Variants in OTOR observed in about 807,000 individuals in gnomAD.
OTOR encodes fibrocyte-derived protein.
OTOR carries 20 observed loss-of-function variants against 15.9 expected under a neutral mutation model. The observed-to-expected ratio is 1.26, with a 90% CI of 0.89 to 1.83. OTOR has a LOEUF of 1.83. OTOR is among the 40% of genes most tolerant of loss of function. OTOR has a pLI of 0.00. For missense variants in OTOR, 184 were observed against 159.0 expected, an observed-to-expected ratio of 1.16 and a Z score of -0.85; for synonymous variants, 53 against 54.2, an observed-to-expected ratio of 0.98 and a Z score of 0.09.
rs1250082744 is a variant in OTOR at position 16,749,908 on chromosome 20, T to C, written c.261T>C (p.Tyr87=). 31 of 1,611,026 alleles carry C rather than the reference T, an allele frequency of 1.9e-5. No homozygotes were observed. The highest frequency in any genetic ancestry group is 2.5e-5 in the Non-Finnish European group (30 of 1,177,320). The change falls in exon 3 of 4, where the codon TAT becomes TAC. Residue 87 remains tyrosine (Y), a synonymous_variant. Transcript: ENST00000246081. The stretch of plus-strand genomic sequence containing the variant: ...CTATTCTTCTGGGCACTTAGGTTTA[T>C]GGTGATGGCCAGGACGAGATGGGAG... ...GAGEFWAGSV[Y]GDGQDEMGVV... is the part of the protein sequence containing the mutation.
rs772201630 is a variant in OTOR, at chr20:16,749,024, C to G, written c.255+18C>G. On this transcript the variant is annotated intron_variant, in intron 2 of 3. Coordinates refer to ENST00000246081, the MANE Select transcript of OTOR (RefSeq NM_020157.4). Reference sequence around the variant, plus strand: ...CTGGCAGTGTAAGATAATTTAAACACCTATTGACGAATATTGCTCTTAACC... The same window carrying G: ...CTGGCAGTGTAAGATAATTTAAACAGCTATTGACGAATATTGCTCTTAACC... 6.7e-7 allele frequency: 1 copy of G among 1,499,830 alleles called. No individual in the cohort carries two copies. The highest frequency in any genetic ancestry group is 2.3e-5 in the East Asian group (1 of 43,268). 92.9% of individuals were successfully genotyped at this position (1,499,830 alleles called of 1,614,324 possible).
chr20:16,748,514 T>C lies in OTOR; in HGVS notation c.113T>C (p.Val38Ala), dbSNP rs1272556018. 3 of 1,568,358 alleles carry C rather than the reference T, an allele frequency of 1.9e-6. No individual in the cohort carries two copies. The change falls in exon 1 of 4, where the codon GTC (valine) becomes GCC (alanine). Residue 38 changes from valine (V) to alanine (A), a missense_variant and splice_region_variant. Transcript: ENST00000246081. Reference protein sequence around the residue: ...SKKLCADDECVYTISLASAQE... With the variant: ...SKKLCADDECAYTISLASAQE... ...AAGCTCTGTGCAGATGATGAGTGTG[T>C]CTGTAAGGACTTTTTTATGCTTTTC...
rs1366228679 is a variant in OTOR at position 16,751,080 on chromosome 20, T to C, written c.364-15T>C. 1 of 1,535,182 alleles carries C rather than the reference T, an allele frequency of 6.5e-7. No homozygotes were observed. On this transcript the variant is annotated splice_polypyrimidine_tract_variant and intron_variant, in intron 3 of 3. Transcript: ENST00000246081. ...CTATTTCGTTCAATCTTTTTTTGTT[T>C]TTGTTTTTTTCCAGGATATTGACTT...
In OTOR at chr20:16,748,974, GA is replaced by G; in HGVS notation, c.227del (p.Asn76MetfsTer85). 1 of 1,607,412 alleles carries G rather than the reference GA, an allele frequency of 6.2e-7. No individual in the cohort carries two copies. The highest frequency in any genetic ancestry group is 1.1e-5 in the South Asian group (1 of 89,798). On this transcript the variant is annotated frameshift_variant, in exon 2 of 4. Coordinates refer to ENST00000246081, the MANE Select transcript of OTOR (RefSeq NM_020157.4). LOFTEE classifies it high-confidence loss of function. Reference sequence around the variant, plus strand: ...CTATGTGTACTCAAAGCTGGTAAAAGAAAATGGAGCTGGAGAATTTTGGGCT... The same window carrying G: ...CTATGTGTACTCAAAGCTGGTAAAAGAAATGGAGCTGGAGAATTTTGGGCT... ...QIYVYSKLVK[E>X]NGAGEFWAGS... is the part of the protein sequence containing the mutation.
rs2072506311 is a variant in OTOR, at chr20:16,748,469, T to C, written c.68T>C (p.Met23Thr). The change falls in exon 1 of 4, where the codon ATG becomes ACG. Residue 23 changes from methionine to threonine, a missense_variant. By Grantham distance (81) the Met-to-Thr change is moderately conservative. Coordinates refer to ENST00000246081, the MANE Select transcript of OTOR (RefSeq NM_020157.4). ...VAVCAVHGIF[M>T]DRLASKKLCA... ...GTATGTGCTGTGCATGGAATATTTA[T>C]GGACCGTCTAGCTTCCAAGAAGCTC... 6.2e-7 allele frequency: 1 copy of C among 1,613,628 alleles called. No homozygotes were observed. Among genetic ancestry groups the C allele is most frequent in the South Asian group, 1.1e-5 (1 of 91,086 alleles).
intron 2 of OTOR, among the ~76,000 whole-genome samples, 197 bp downstream of exon 2, chr20:16,749,203 G>A (rs2072512808): frequency 6.6e-6 from 1 of 152,084 alleles, no homozygotes; most frequent in Non-Finnish European, 1.5e-5. Context: ...ACCAAATGTA[G>A]GTTAATGTGA....
At chr20:16,749,117 T>C (rs2072512304) in intron 2 of OTOR, 111 bp downstream of exon 2, 6 of 675,194 alleles carry the variant, frequency 8.9e-6, no homozygotes, top group South Asian at 1.0e-4. Flanking sequence ...CATGTAGTGA[T>C]TGTAGATGGA....
At chr20:16,751,043 T>A (rs960059834) in intron 3 of OTOR, 52 bp from the exon 4 acceptor site, 33 of 1,402,048 alleles carry the variant, frequency 2.4e-5, no homozygotes, top group Non-Finnish European at 3.1e-5. Context: ...ACATCTGTTT[T>A]TTTAGCCTAG....
At position 16,751,100 on chromosome 20, in the gene OTOR, T is replaced by C. The variant is rs1476533598; in HGVS notation, c.369T>C (p.Ile123=). ...EATKEVPTTD[I]DFFCE is the part of the protein sequence containing the mutation. ...TTGTTTTTGTTTTTTTCCAGGATAT[T>C]GACTTCTTCTGCGAGTAATAAATTA... Residue 123 remains isoleucine (I), a synonymous_variant, in exon 4 of 4, where the codon ATT becomes ATC. Coordinates refer to ENST00000246081, the MANE Select transcript of OTOR (RefSeq NM_020157.4). 1.3e-6 allele frequency: 2 copies of C among 1,543,792 alleles called. No homozygotes were observed. The highest frequency in any genetic ancestry group is 1.4e-5 in the African/African-American group (1 of 72,076).
chr20:16,749,315 T>A, intron 2 of OTOR: 1 of 214,854 alleles, frequency 4.7e-6, no homozygotes, highest in Non-Finnish European at 9.0e-6. Flanking sequence ...GTAGAAGGCA[T>A]GTGTGTTGGC....
chr20:16,749,089 A>G (rs921834507), intron 2 of OTOR, 83 bp downstream of exon 2: 35 of 993,804 alleles, frequency 3.5e-5, no homozygotes, highest in Non-Finnish European at 4.7e-5. Context: ...TTAATGCTTA[A>G]TACTAGTTGT....
intron 3 of OTOR, among the ~76,000 whole-genome samples, chr20:16,750,784 A>G (rs1331380033): frequency 1.3e-5 from 2 of 152,308 alleles, no homozygotes; most frequent in Non-Finnish European, 2.9e-5. Flanking sequence ...TTTTGAAGTG[A>G]TTCTTCTGGA....
rs534625470 is a variant in OTOR at position 16,748,652 on chromosome 20, C to G, written c.115+136C>G. The G allele has an allele frequency of 6.9e-5, 49 of 707,686 alleles. No homozygotes were observed. The African/African-American group carries it at 7.0e-4, about 10-fold the overall frequency. The allele number at this position is 707,686 out of a possible 1,614,324, so 43.8% of individuals were successfully genotyped here. On this transcript the variant is annotated intron_variant, in intron 1 of 3. Coordinates refer to ENST00000246081, the MANE Select transcript of OTOR (RefSeq NM_020157.4). ...TGTTATCAGCTTTGTTTCTTCTGGT[C>G]TGCATGTTTGGTATCTTACTACGGA...
Position 16,749,996 on chromosome 20 carries a change from G to C in OTOR, c.349G>C (p.Glu117Gln). The C allele has an allele frequency of 6.2e-7, 1 of 1,610,798 alleles. No individual in the cohort carries two copies. The highest frequency in any genetic ancestry group is 8.5e-7 in the Non-Finnish European group (1 of 1,177,262). ...EQRVYQEATK[E>Q]VPTTDIDFFC... ...GCGTGTGTACCAGGAAGCTACCAAGGAAGTTCCCACCACGGTAAGCATCTC... is the reference window on the plus strand; with the variant it reads ...GCGTGTGTACCAGGAAGCTACCAAGCAAGTTCCCACCACGGTAAGCATCTC... The change falls in exon 3 of 4, where the codon GAA becomes CAA. Residue 117 changes from glutamate to glutamine, a missense_variant. Physicochemically the swap from Glu to Gln is conservative, Grantham distance 29. Coordinates refer to ENST00000246081, the MANE Select transcript of OTOR (RefSeq NM_020157.4).
intron 3 of OTOR, 34 bp downstream of exon 3, chr20:16,750,044 A>G: frequency 7.2e-7 from 1 of 1,396,036 alleles, no homozygotes; most frequent in Non-Finnish European, 1.0e-6. Flanking sequence ...ACAAGGACTC[A>G]GATCTTGGGG....
At chr20:16,749,196 A>G (rs185762322) in intron 2 of OTOR, among the ~76,000 whole-genome samples, 190 bp downstream of exon 2, 4 of 152,326 alleles carry the variant, frequency 2.6e-5, no homozygotes, top group Admixed American at 2.6e-4. Context: ...TAACAAAACC[A>G]AATGTAGGTT....
rs374932227 is a variant in OTOR at position 16,751,110 on chromosome 20, T to G, written c.379T>G (p.Cys127Gly). ...EVPTTDIDFFCE is the reference protein window; with the variant it reads ...EVPTTDIDFFGE ...TTTTTTCCAGGATATTGACTTCTTC[T>G]GCGAGTAATAAATTAGTTAAAACTG... The change falls in exon 4 of 4, where the codon TGC becomes GGC. Residue 127 changes from cysteine (C) to glycine (G), a missense_variant. Transcript: ENST00000246081. 1 of 1,547,228 alleles carries G rather than the reference T, an allele frequency of 6.5e-7. No homozygotes were observed. Among genetic ancestry groups the G allele is most frequent in the Admixed American group, 2.0e-5 (1 of 49,612 alleles).
chr20:16,750,450 C>T (rs1444188512), intron 3 of OTOR, among the ~76,000 whole-genome samples: 1 of 151,630 alleles, frequency 6.6e-6, no homozygotes, highest in African/African-American at 2.4e-5. Flanking sequence ...GATCTGCCCT[C>T]TTAGTAAATT....
intron 2 of OTOR, chr20:16,749,590 A>G: frequency 3.5e-6 from 1 of 282,840 alleles, no homozygotes; most frequent in Admixed American, 4.8e-5. Context: ...TACTTTAAAA[A>G]AATGTACTGT....
Sources: gnomAD v4.1 joint callset for allele counts (sites outside exome capture counted in the v4.1 genomes callset) on GRCh38, gnomAD v4.1.1 for gene constraint, MANE v1.5 for transcripts, NCBI Gene and HGNC (gene_info 2026-07-23, HGNC 2026-07-21) for gene names.